Variants in ATG7 observed in about 807,000 individuals in gnomAD.
The protein encoded by ATG7 is ubiquitin-like modifier-activating enzyme ATG7.
A neutral mutation model predicts 82.4 loss-of-function variants in ATG7; 70 were observed. The observed-to-expected ratio is 0.85, with a 90% CI of 0.70 to 1.04. ATG7 has a LOEUF of 1.04. Among genes scored for constraint, ATG7 ranks in the 50% least tolerant of loss-of-function variants. The pLI, the probability that ATG7 is intolerant of heterozygous loss-of-function variation, is 0.00. For synonymous variants in ATG7, 287 were observed against 313.0 expected, an observed-to-expected ratio of 0.92 and a Z score of 0.88; for missense variants, 792 against 864.3, an observed-to-expected ratio of 0.92 and a Z score of 1.05.
the ATG7 span, among the ~76,000 whole-genome samples, chr3:11,564,405 A>AC: frequency 0.71 from 106,838 of 151,090 alleles, 39,012 homozygotes; most frequent in Non-Finnish European, 0.81. Flanking sequence ...GAAACGTAGG[A>AC]CCCCCCCACC....
chr3:11,498,746 G>A (rs1202476578), intron 20 of ATG7, among the ~76,000 whole-genome samples: 1 of 152,094 alleles, frequency 6.6e-6, no homozygotes, highest in Non-Finnish European at 1.5e-5. Context: ...CTTTCTGTAG[G>A]TCAGCCCTTC....
Position 11,275,486 on chromosome 3 carries a change from C to A in ATG7, c.-366+3056C>A, listed in dbSNP as rs769678860. On this transcript the variant is annotated intron_variant, in intron 1 of 20. Transcript: ENST00000693202. Reference sequence around the variant, plus strand: ...GCCTCAGCCTCCCCAGGAACTGGGACTACAGGTGCCCACCACCATGCCCGG... The same window carrying A: ...GCCTCAGCCTCCCCAGGAACTGGGAATACAGGTGCCCACCACCATGCCCGG... Among the ~76,000 whole-genome samples, 139 of 149,510 alleles carry A rather than the reference C, an allele frequency of 9.3e-4. 1 individual carries two copies. Among genetic ancestry groups the A allele is most frequent in the Non-Finnish European group, 1.8e-3 (123 of 67,606 alleles).
intron 19 of ATG7, among the ~76,000 whole-genome samples, chr3:11,400,031 T>C (rs1464235191): frequency 6.6e-6 from 1 of 152,150 alleles, no homozygotes; most frequent in Non-Finnish European, 1.5e-5. Context: ...GTTAAGAAAA[T>C]AAATAGGTGT....
At chr3:11,504,463 A>AG (rs36081087) in intron 20 of ATG7, among the ~76,000 whole-genome samples, 3,208 of 152,284 alleles carry the variant, frequency 0.021, 73 homozygotes, top group African/African-American at 0.058. Context: ...AGGGAATGGG[A>AG]GATCCCACAA....
Position 11,332,952 on chromosome 3 carries a change from A to G in ATG7, c.768-20A>G. On this transcript the variant is annotated intron_variant, in intron 10 of 20. Coordinates refer to ENST00000693202, the MANE Select transcript of ATG7 (RefSeq NM_001349232.2). ...TTAAAAAAAAATAATAAATAAATAA[A>G]AATCCGGGCATGACAACAGGAGTAG... 1 of 1,436,246 alleles carries G rather than the reference A, an allele frequency of 7.0e-7. No homozygotes were observed. The highest frequency in any genetic ancestry group is 9.1e-7 in the Non-Finnish European group (1 of 1,093,646). The allele number at this position is 1,436,246 out of a possible 1,614,324, so 89.0% of individuals were successfully genotyped here.
At chr3:11,570,868 C>T in the ATG7 span, among the ~76,000 whole-genome samples, 4 of 152,324 alleles carry the variant, frequency 2.6e-5, no homozygotes, top group East Asian at 3.9e-4. Context: ...AACTCATCAC[C>T]GTGGCTTCTC....
intron 20 of ATG7, among the ~76,000 whole-genome samples, chr3:11,500,670 G>A (rs2091255814): frequency 2.0e-5 from 3 of 152,108 alleles, no homozygotes; most frequent in South Asian, 2.1e-4. Flanking sequence ...TGTCTGAGAC[G>A]GAGTTTTGCT....
Position 11,299,487 on chromosome 3 carries a change from C to T in ATG7, c.215+71C>T, listed in dbSNP as rs913236728. ...TGGCAAGGAATAAGCATGCTTGCCT[C>T]CCTCATAGGTGGACCACAGGAGGAC... On this transcript the variant is annotated intron_variant, in intron 5 of 20. Coordinates refer to ENST00000693202, the MANE Select transcript of ATG7 (RefSeq NM_001349232.2). The T allele has an allele frequency of 3.4e-6, 5 of 1,470,632 alleles. No individual in the cohort carries two copies. The African/African-American group carries it at 5.6e-5, about 16-fold the overall frequency. The allele number at this position is 1,470,632 out of a possible 1,614,324, so 91.1% of individuals were successfully genotyped here. A position where few individuals can be genotyped will look rare whatever the true frequency, so the allele number is the denominator to read the frequency against.
At chr3:11,395,934 T>C (rs557158233) in intron 19 of ATG7, among the ~76,000 whole-genome samples, 241 of 93,616 alleles carry the variant, frequency 2.6e-3, no homozygotes, top group Admixed American at 4.1e-3. Flanking sequence ...AGCGAGACTC[T>C]GTCTCAAAAA....
At chr3:11,397,647 G>C (rs2079428797) in intron 19 of ATG7, among the ~76,000 whole-genome samples, 1 of 151,548 alleles carries the variant, frequency 6.6e-6, no homozygotes, top group Non-Finnish European at 1.5e-5. Flanking sequence ...AGTAGAGATG[G>C]GGTTTCACCA....
intron 20 of ATG7, among the ~76,000 whole-genome samples, chr3:11,435,700 G>C (rs1225873552): frequency 6.6e-6 from 1 of 152,080 alleles, no homozygotes; most frequent in Non-Finnish European, 1.5e-5. Context: ...GTGAGACCTT[G>C]GGTTATTTAC....
intron 20 of ATG7, among the ~76,000 whole-genome samples, chr3:11,514,564 G>A (rs2092204258): frequency 6.6e-6 from 1 of 152,228 alleles, no homozygotes. Context: ...CATAGTCAGT[G>A]CATGGCGCTA....
intron 14 of ATG7, among the ~76,000 whole-genome samples, chr3:11,355,265 C>G (rs1288736857): frequency 6.6e-6 from 1 of 152,098 alleles, no homozygotes; most frequent in African/African-American, 2.4e-5. Context: ...ACTCTGAGCC[C>G]TTATGTGATA....
At chr3:11,424,097 C>T (rs571899357) in intron 19 of ATG7, among the ~76,000 whole-genome samples, 95 of 152,154 alleles carry the variant, frequency 6.2e-4, no homozygotes, top group South Asian at 2.5e-3. Context: ...CCCTGCCTCC[C>T]GTCGCCTGGT....
At chr3:11,296,807 CA>C (rs1945998304) in intron 3 of ATG7, among the ~76,000 whole-genome samples, 1 of 152,310 alleles carries the variant, frequency 6.6e-6, no homozygotes, top group Admixed American at 6.5e-5. Context: ...CCATCCTTTT[CA>C]ACATCACTCA....
chr3:11,467,610 AG>A (rs1175988769), intron 20 of ATG7, among the ~76,000 whole-genome samples: 1 of 152,188 alleles, frequency 6.6e-6, no homozygotes, highest in Non-Finnish European at 1.5e-5. Context: ...TCCTGACCTC[AG>A]GTAATCCACC....
At chr3:11,337,243 A>G (rs531682873) in intron 11 of ATG7, among the ~76,000 whole-genome samples, 23 of 152,276 alleles carry the variant, frequency 1.5e-4, no homozygotes, top group Non-Finnish European at 3.2e-4. Flanking sequence ...TCATGAGGTC[A>G]GGAGATTGAG....
At chr3:11,321,660 G>C (rs1950240934) in intron 9 of ATG7, among the ~76,000 whole-genome samples, 1 of 152,098 alleles carries the variant, frequency 6.6e-6, no homozygotes, top group Non-Finnish European at 1.5e-5. Context: ...AGAGTAGGAA[G>C]GCCAGACTTC....
chr3:11,428,031 T>C (rs2082526644), intron 20 of ATG7, among the ~76,000 whole-genome samples: 1 of 152,202 alleles, frequency 6.6e-6, no homozygotes, highest in Non-Finnish European at 1.5e-5. Context: ...ACAAACTATA[T>C]AAGGAAAACC....
Sources: allele counts gnomAD v4.1 joint callset (sites outside exome capture counted in the v4.1 genomes callset), GRCh38; gene constraint gnomAD v4.1.1; transcripts MANE v1.5; gene names NCBI Gene and HGNC (gene_info 2026-07-23, HGNC 2026-07-21).